Variants in CNTNAP2 observed in about 807,000 individuals in gnomAD.
CNTNAP2 encodes contactin-associated protein-like 2.
In CNTNAP2, 98 loss-of-function variants were observed where a neutral mutation model predicts 155.2. That is an observed-to-expected ratio of 0.63 (90% CI 0.54 to 0.75). The LOEUF is 0.75. Among genes scored for constraint, CNTNAP2 ranks in the 30% least tolerant of loss-of-function variants. The pLI is 0.00. For missense variants in CNTNAP2, 1,727 were observed against 1,688.1 expected (o/e 1.02, Z -0.40); for synonymous variants, 651 against 631.2 (o/e 1.03, Z -0.47).
intron 1 of CNTNAP2, among the ~76,000 whole-genome samples, chr7:146,131,122 T>C (rs188008503): frequency 4.6e-5 from 7 of 152,340 alleles, no homozygotes; most frequent in African/African-American, 1.2e-4. Flanking sequence ...AGAGTATAAC[T>C]GTAACCCAAC....
At chr7:146,620,618 T>C (rs992520589) in intron 1 of CNTNAP2, among the ~76,000 whole-genome samples, 6 of 152,132 alleles carry the variant, frequency 3.9e-5, no homozygotes, top group African/African-American at 1.4e-4. Flanking sequence ...CTTTTTTAAG[T>C]CCTTAAAGTT....
At position 148,365,796 on chromosome 7, in the gene CNTNAP2, A is replaced by G. The variant is rs1419747274; in HGVS notation, c.3476-17853A>G. Among the ~76,000 whole-genome samples, 3 of 99,546 alleles carry G rather than the reference A, an allele frequency of 3.0e-5. 1 individual carries two copies. The highest frequency in any genetic ancestry group is 1.1e-4 in the African/African-American group (3 of 26,470). The allele number at this position is 99,546 out of a possible 152,430, so 65.3% of individuals were successfully genotyped here. On this transcript the variant is annotated intron_variant, in intron 21 of 23. Transcript: ENST00000361727. ...TACATGTATGTGTATGCATGTATAC[A>G]TGCATGTGTATGCATGTATACATGC...
rs1803197111 is a variant in CNTNAP2, at chr7:146,817,511, TA to T, written c.209-22195del. Among the ~76,000 whole-genome samples the T allele has an allele frequency of 3.3e-5, 5 of 151,358 alleles. No individual in the cohort carries two copies. The South Asian group carries it at 1.0e-3, about 32-fold the overall frequency. On this transcript the variant is annotated intron_variant, in intron 2 of 23. Coordinates refer to ENST00000361727, the MANE Select transcript of CNTNAP2 (RefSeq NM_014141.6). ...CTGAAACTGGGTAATTTATATAAAATAAAAAGAGGTTTTATTGGCCATGGTT... is the reference window on the plus strand; with the variant it reads ...CTGAAACTGGGTAATTTATATAAAATAAAAGAGGTTTTATTGGCCATGGTT...
At chr7:147,873,983 C>T (rs553528762) in intron 13 of CNTNAP2, among the ~76,000 whole-genome samples, 1 of 152,320 alleles carries the variant, frequency 6.6e-6, no homozygotes, top group South Asian at 2.1e-4. Context: ...TCTCCTTTGA[C>T]TCCATGACTC....
At chr7:146,207,824 G>A (rs1798971090) in intron 1 of CNTNAP2, among the ~76,000 whole-genome samples, 1 of 151,772 alleles carries the variant, frequency 6.6e-6, no homozygotes, top group African/African-American at 2.4e-5. Context: ...ATGAAAGTCT[G>A]CATTATATAG....
intron 3 of CNTNAP2, among the ~76,000 whole-genome samples, chr7:147,004,635 C>T (rs185252931): frequency 1.3e-5 from 2 of 151,938 alleles, no homozygotes; most frequent in Admixed American, 1.3e-4. Flanking sequence ...CATCGTATGG[C>T]GGAGTTGAAA....
At chr7:147,628,964 C>T (rs1055774678) in intron 12 of CNTNAP2, among the ~76,000 whole-genome samples, 3 of 151,300 alleles carry the variant, frequency 2.0e-5, no homozygotes, top group Non-Finnish European at 2.9e-5. Context: ...ATATATGCAC[C>T]TAACACTGGA....
intron 1 of CNTNAP2, among the ~76,000 whole-genome samples, chr7:146,371,515 CCCG>C (rs1466790107): frequency 3.3e-5 from 5 of 151,620 alleles, no homozygotes; most frequent in African/African-American, 1.2e-4. Flanking sequence ...ACTACAGGTA[CCCG>C]CCACCGCGCC....
intron 1 of CNTNAP2, among the ~76,000 whole-genome samples, chr7:146,176,313 C>G (rs1251210229): frequency 6.6e-6 from 1 of 152,076 alleles, no homozygotes; most frequent in African/African-American, 2.4e-5. Context: ...GTCTATGGAT[C>G]ATATTGCCTC....
intron 9 of CNTNAP2, among the ~76,000 whole-genome samples, chr7:147,349,732 ATCTGT>A (rs1325994653): frequency 6.6e-6 from 1 of 151,964 alleles, no homozygotes; most frequent in East Asian, 1.9e-4. Flanking sequence ...TTTTAAAACT[ATCTGT>A]GAACATATGT....
intron 1 of CNTNAP2, among the ~76,000 whole-genome samples, chr7:146,122,001 G>C (rs1360065925): frequency 6.6e-6 from 1 of 152,180 alleles, no homozygotes; most frequent in Admixed American, 6.5e-5. Context: ...AGCAGATAAG[G>C]ATGTTGGAAT....
intron 3 of CNTNAP2, among the ~76,000 whole-genome samples, chr7:146,922,334 A>G (rs1796518799): frequency 6.6e-6 from 1 of 151,750 alleles, no homozygotes. Flanking sequence ...TTTTATTGAC[A>G]TTGTATAGAT....
rs140859071 is a variant in CNTNAP2 at position 146,808,305 on chromosome 7, A to G, written c.209-31406A>G. Among the ~76,000 whole-genome samples the G allele has an allele frequency of 1.1e-4, 16 of 152,336 alleles. No homozygotes were observed. In the East Asian group the frequency reaches 3.1e-3, roughly 29 times the overall value. On this transcript the variant is annotated intron_variant, in intron 2 of 23. Transcript: ENST00000361727. The stretch of plus-strand genomic sequence containing the variant: ...ATTTGTAATTTATATTTCATGCAAT[A>G]TAACAAGATGCTGTGCATTGATTGA...
chr7:146,656,753 G>A (rs1333271308), intron 1 of CNTNAP2, among the ~76,000 whole-genome samples: 1 of 152,140 alleles, frequency 6.6e-6, no homozygotes. Flanking sequence ...TATTTTCCTT[G>A]ATTTCTGACT....
intron 15 of CNTNAP2, chr7:148,044,722 T>C (rs1254441548): frequency 2.0e-5 from 3 of 152,282 alleles, no homozygotes; most frequent in Non-Finnish European, 4.4e-5. Context: ...TCTGCTGTTG[T>C]TGTTGTTTAC....
At chr7:147,945,562 C>G (rs1350031497) in intron 14 of CNTNAP2, among the ~76,000 whole-genome samples, 3 of 151,934 alleles carry the variant, frequency 2.0e-5, no homozygotes, top group Non-Finnish European at 2.9e-5. Flanking sequence ...AGGAAATGTG[C>G]TGATTATCAT....
At chr7:147,517,992 C>T (rs904807331) in intron 11 of CNTNAP2, among the ~76,000 whole-genome samples, 2 of 152,090 alleles carry the variant, frequency 1.3e-5, no homozygotes, top group Non-Finnish European at 2.9e-5. Context: ...AGTGCAGTGG[C>T]GTGATCATGG....
chr7:147,969,533 C>T lies in CNTNAP2; in HGVS notation c.2256-8329C>T, dbSNP rs1640771702. On this transcript the variant is annotated intron_variant, in intron 14 of 23. Transcript: ENST00000361727. ...ATGGCCTCCCATAAACCCTGTATGA[C>T]AGTCTCATTAAGGCATTGCTTCTAC... Among the ~76,000 whole-genome samples the T allele has an allele frequency of 1.3e-5, 2 of 152,142 alleles. 1 individual carries two copies. The highest frequency in any genetic ancestry group is 4.8e-5 in the African/African-American group (2 of 41,448).
At chr7:146,324,445 A>G (rs958750226) in intron 1 of CNTNAP2, among the ~76,000 whole-genome samples, 35 of 152,198 alleles carry the variant, frequency 2.3e-4, no homozygotes, top group African/African-American at 7.7e-4. Context: ...ATTCCTAGCC[A>G]CTCTCACAAA....
Sources: allele counts gnomAD v4.1 joint callset (sites outside exome capture counted in the v4.1 genomes callset), GRCh38; gene constraint gnomAD v4.1.1; transcripts MANE v1.5; gene names NCBI Gene and HGNC (gene_info 2026-07-23, HGNC 2026-07-21).